Variants in ZNF713 observed in about 807,000 individuals in gnomAD.
ZNF713 encodes zinc finger protein 713.
ZNF713 carries 21 observed loss-of-function variants against 28.7 expected under a neutral mutation model. The observed-to-expected ratio is 0.73, with a 90% CI of 0.52 to 1.05. The LOEUF (loss-of-function observed/expected upper bound fraction) is 1.05, where lower values mean the gene tolerates loss of function less well. Among genes scored for constraint, ZNF713 ranks in the 50% least tolerant of loss-of-function variants. ZNF713 has a pLI of 0.00. For missense variants in ZNF713, 458 were observed against 532.4 expected (o/e 0.86, Z 1.37); for synonymous variants, 167 against 178.0 (o/e 0.94, Z 0.49).
intron 6 of ZNF713, among the ~76,000 whole-genome samples, chr7:55,937,880 G>C (rs1212466323): frequency 2.0e-5 from 3 of 151,642 alleles, no homozygotes; most frequent in Non-Finnish European, 4.4e-5. Context: ...CTCCAGCCTG[G>C]GTGACAGAGT....
At chr7:55,888,610 G>A (rs980810954) in intron 1 of ZNF713, among the ~76,000 whole-genome samples, 53 of 152,070 alleles carry the variant, frequency 3.5e-4, no homozygotes, top group African/African-American at 1.3e-3. Context: ...TGGTCTCTGA[G>A]CGCAAGTGAT....
Position 55,940,135 on chromosome 7 carries a change from G to T in ZNF713, c.*129G>T. 4 of 1,398,670 alleles carry T rather than the reference G, an allele frequency of 2.9e-6. No homozygotes were observed. The allele number at this position is 1,398,670 out of a possible 1,614,324, so 86.6% of individuals were successfully genotyped here. A position where few individuals can be genotyped will look rare whatever the true frequency, so the allele number is the denominator to read the frequency against. ...TATACATAAATTTTTGTTTTGTTTT[G>T]TTTTTGAGACTGAGTCTCACTCTGT... On this transcript the variant is annotated 3_prime_UTR_variant, in exon 7 of 7. Coordinates refer to ENST00000429591, the MANE Select transcript of ZNF713 (RefSeq NM_182633.3).
Position 55,923,637 on chromosome 7 carries a change from C to T in ZNF713, c.245C>T (p.Ala82Val), listed in dbSNP as rs977493504. The T allele has an allele frequency of 4.3e-6, 7 of 1,610,182 alleles. No individual in the cohort carries two copies. The highest frequency in any genetic ancestry group is 1.7e-5 in the Admixed American group (1 of 59,518). ...GYQLCKPEVI[A>V]QLELEEEWVI... Reference sequence around the variant, plus strand: ...CAGCTTTGTAAGCCAGAGGTAATCGCGCAGTTGGAGCTAGAGGAAGAATGG... The same window carrying T: ...CAGCTTTGTAAGCCAGAGGTAATCGTGCAGTTGGAGCTAGAGGAAGAATGG... Residue 82 changes from alanine to valine, a missense_variant, in exon 6 of 7, where the codon GCG (alanine) becomes GTG (valine). Transcript: ENST00000429591.
chr7:55,914,708 C>T lies in ZNF713; in HGVS notation c.87+1985C>T, dbSNP rs185512701. ...GGTAGGGTTTGGAGATTAGAGAAAA[C>T]GGGGGACCATTGCAGACAGGAAATA... is the stretch of plus-strand genomic sequence containing the variant. On this transcript the variant is annotated intron_variant, in intron 4 of 6. Coordinates refer to ENST00000429591, the MANE Select transcript of ZNF713 (RefSeq NM_182633.3). Among the ~76,000 whole-genome samples the T allele has an allele frequency of 9.9e-4, 150 of 151,786 alleles. 1 individual carries two copies. The Middle Eastern group carries it at 0.01, about 10-fold the overall frequency.
chr7:55,902,375 TTTAA>T (rs1406201221), intron 1 of ZNF713, among the ~76,000 whole-genome samples: 1 of 152,230 alleles, frequency 6.6e-6, no homozygotes, highest in Non-Finnish European at 1.5e-5. Flanking sequence ...CACTAAAGCA[TTTAA>T]TAGACAAAGT....
intron 2 of ZNF713, among the ~76,000 whole-genome samples, chr7:55,908,142 T>G (rs1159533041): frequency 1.5e-5 from 2 of 131,134 alleles, no homozygotes; most frequent in Admixed American, 7.4e-5. Context: ...GTTGTTTTTT[T>G]TTTTTTTTTT....
At chr7:55,896,760 A>C (rs1468324533) in intron 1 of ZNF713, among the ~76,000 whole-genome samples, 1 of 152,094 alleles carries the variant, frequency 6.6e-6, no homozygotes, top group Non-Finnish European at 1.5e-5. Context: ...CTAGCACCCA[A>C]ATCTTTGTTT....
Position 55,940,615 on chromosome 7 carries a change from C to T in ZNF713, c.*609C>T, listed in dbSNP as rs1035618256. 1.1e-6 allele frequency: 1 copy of T among 933,200 alleles called. No individual in the cohort carries two copies. The highest frequency in any genetic ancestry group is 6.2e-5 in the Admixed American group (1 of 16,124). 57.8% of individuals were successfully genotyped at this position (933,200 alleles called of 1,614,324 possible). ...CCTTATCCAGGCATGGTGGTGCACA[C>T]CTGCAATCCCAGCTACTCTGGAGAC... On this transcript the variant is annotated 3_prime_UTR_variant, in exon 7 of 7. Coordinates refer to ENST00000429591, the MANE Select transcript of ZNF713 (RefSeq NM_182633.3).
chr7:55,919,180 A>C (rs1441184805), intron 4 of ZNF713, among the ~76,000 whole-genome samples: 1 of 152,216 alleles, frequency 6.6e-6, no homozygotes, highest in African/African-American at 2.4e-5. Flanking sequence ...TGAATTCCTG[A>C]GTTTGAAAAG....
chr7:55,900,389 A>T (rs969181965), intron 1 of ZNF713, among the ~76,000 whole-genome samples: 3 of 151,664 alleles, frequency 2.0e-5, no homozygotes, highest in Non-Finnish European at 2.9e-5. Flanking sequence ...AAGTGCTCGA[A>T]CCCGGGAGGT....
chr7:55,932,672 C>G (rs904308762), intron 6 of ZNF713, among the ~76,000 whole-genome samples: 3 of 150,704 alleles, frequency 2.0e-5, no homozygotes, highest in Admixed American at 2.0e-4. Flanking sequence ...ATCATGAGGT[C>G]AGGAGATCGA....
chr7:55,888,775 G>T (rs872294), intron 1 of ZNF713, among the ~76,000 whole-genome samples: 21,561 of 145,686 alleles, frequency 0.15, 1,800 homozygotes, highest in Non-Finnish European at 0.19. Flanking sequence ...AAATGTTTAG[G>T]CCGGTTGCGG....
chr7:55,892,756 C>T (rs1785410922), intron 1 of ZNF713, among the ~76,000 whole-genome samples: 1 of 150,736 alleles, frequency 6.6e-6, no homozygotes, highest in Non-Finnish European at 1.5e-5. Context: ...CCTATAATCC[C>T]AGCTACTCGG....
intron 5 of ZNF713, 156 bp from the exon 6 acceptor site, chr7:55,923,451 A>G (rs2135116): frequency 0.26 from 284,604 of 1,098,858 alleles, 39,489 homozygotes; most frequent in African/African-American, 0.38. Flanking sequence ...TTCTCCTCCA[A>G]TGGAATGTCT....
chr7:55,903,824 C>T (rs1019838448), intron 1 of ZNF713, among the ~76,000 whole-genome samples: 4 of 152,062 alleles, frequency 2.6e-5, no homozygotes, highest in Non-Finnish European at 5.9e-5. Flanking sequence ...CACCTAACAG[C>T]AGGTCCGTGT....
chr7:55,921,570 G>C (rs1318807331), intron 4 of ZNF713, among the ~76,000 whole-genome samples: 2 of 152,172 alleles, frequency 1.3e-5, no homozygotes, highest in Non-Finnish European at 1.5e-5. Flanking sequence ...AGGCTTTCAA[G>C]ATTTCTGTGG....
intron 1 of ZNF713, among the ~76,000 whole-genome samples, 178 bp downstream of exon 1, chr7:55,887,858 C>A (rs867515069): frequency 0.025 from 121 of 4,772 alleles, 32 homozygotes; most frequent in African/African-American, 0.13. Context: ...CGGCGGCGGG[C>A]GGCGGGCGGC....
In ZNF713 at chr7:55,931,641, T is replaced by C. The variant is rs557212621; in HGVS notation, c.308-7341T>C. On this transcript the variant is annotated intron_variant, in intron 6 of 6. Transcript: ENST00000429591. ...TCCCTCTCTCCTCTCCCTCCTTCTT[T>C]CCCTCTCTCCCTTCTTTCTTACTTC... Among the ~76,000 whole-genome samples the C allele has an allele frequency of 4.0e-5, 6 of 150,266 alleles. No individual in the cohort carries two copies. The South Asian group carries it at 1.3e-3, about 32-fold the overall frequency.
chr7:55,932,347 A>C (rs1017924913), intron 6 of ZNF713, among the ~76,000 whole-genome samples: 8 of 149,166 alleles, frequency 5.4e-5, no homozygotes, highest in African/African-American at 2.0e-4. Flanking sequence ...TAGGCAATGT[A>C]GGGAGACTTC....
Sources: gnomAD v4.1 joint callset for allele counts (sites outside exome capture counted in the v4.1 genomes callset) on GRCh38, gnomAD v4.1.1 for gene constraint, MANE v1.5 for transcripts, NCBI Gene and HGNC (gene_info 2026-07-23, HGNC 2026-07-21) for gene names.